The following PAPLN variants were observed in gnomAD, a reference collection of about 807,000 sequenced individuals.
PAPLN encodes papilin, proteoglycan like sulfated glycoprotein.
PAPLN carries 146 observed loss-of-function variants against 159.0 expected under a neutral mutation model. The ratio of observed to expected loss-of-function variants is 0.92; its 90% confidence interval spans 0.80 to 1.05. The LOEUF is 1.05. Ranked by LOEUF, PAPLN falls within the 50% of genes least tolerant of loss-of-function variation. PAPLN has a pLI of 0.00. For synonymous variants in PAPLN, 734 were observed against 702.9 expected, an observed-to-expected ratio of 1.04 and a Z score of -0.70; for missense variants, 1,720 against 1,743.9, an observed-to-expected ratio of 0.99 and a Z score of 0.24.
At position 73,265,154 on chromosome 14, in the gene PAPLN, T is replaced by TG; in HGVS notation, c.3126-214dup. Among the ~76,000 whole-genome samples the TG allele has an allele frequency of 6.6e-6, 1 of 151,342 alleles. No homozygotes were observed. Among genetic ancestry groups the TG allele is most frequent in the East Asian group, 2.0e-4 (1 of 5,120 alleles). On this transcript the variant is annotated intron_variant, in intron 22 of 26. Coordinates refer to ENST00000644200, the MANE Select transcript of PAPLN (RefSeq NM_001365906.3). The surrounding 1 kb of genome is among the most constrained non-coding windows in gnomAD (Gnocchi z 4.1). ...GGTGGGTGTGTCTGGCCAGCTGTGG[T>TG]GGAGGGGCAGGGAGTGGTAGTGGCG...
chr14:73,264,076 C>T, intron 20 of PAPLN, 135 bp from the exon 21 acceptor site: 11 of 1,524,118 alleles, frequency 7.2e-6, no homozygotes, highest in East Asian at 2.4e-5. Flanking sequence ...GAAGCATATT[C>T]CCCCAGCCTC....
chr14:73,272,779 C>A lies in PAPLN; in HGVS notation c.*115C>A. 1 of 1,201,900 alleles carries A rather than the reference C, an allele frequency of 8.3e-7. No homozygotes were observed. The highest frequency in any genetic ancestry group is 1.1e-6 in the Non-Finnish European group (1 of 912,798). 74.5% of individuals were successfully genotyped at this position (1,201,900 alleles called of 1,614,324 possible). On this transcript the variant is annotated 3_prime_UTR_variant, in exon 27 of 27. Coordinates refer to ENST00000644200, the MANE Select transcript of PAPLN (RefSeq NM_001365906.3). ...GCAAAGGGAGTTATCTTCTGGAATA[C>A]ATTAGCTCTTTCAAAAACCCACCCA...
chr14:73,266,642 C>A lies in PAPLN; in HGVS notation c.3391+14C>A. 6.2e-7 allele frequency: 1 copy of A among 1,614,074 alleles called. No individual in the cohort carries two copies. Among genetic ancestry groups the A allele is most frequent in the Non-Finnish European group, 8.5e-7 (1 of 1,180,022 alleles). Reference sequence around the variant, plus strand: ...TCAGAGTTCTGGGTAAAGTGGCAGTCCTGAGTGGCCTTTGAGGTCAGGTGG... The same window carrying A: ...TCAGAGTTCTGGGTAAAGTGGCAGTACTGAGTGGCCTTTGAGGTCAGGTGG... On this transcript the variant is annotated intron_variant, in intron 24 of 26. Transcript: ENST00000644200.
chr14:73,254,575 T>C lies in PAPLN; in HGVS notation c.1365T>C (p.Gly455=). 6.2e-7 allele frequency: 1 copy of C among 1,613,892 alleles called. No homozygotes were observed. The highest frequency in any genetic ancestry group is 8.5e-7 in the Non-Finnish European group (1 of 1,179,894). The change falls in exon 13 of 27, where the codon GGT becomes GGC. Residue 455 remains glycine (G), a synonymous_variant. Transcript: ENST00000644200. ...KRSVTCRGER[G]SLLHTAACSL... is the part of the protein sequence containing the mutation. ...GCGTTACTTGCCGGGGTGAAAGGGGTTCTTTGCTCCATACCGCAGCGTGCT... is the reference window on the plus strand; with the variant it reads ...GCGTTACTTGCCGGGGTGAAAGGGGCTCTTTGCTCCATACCGCAGCGTGCT...
intron 1 of PAPLN, among the ~76,000 whole-genome samples, chr14:73,239,331 T>A (rs545691626): frequency 5.3e-5 from 8 of 152,376 alleles, no homozygotes; most frequent in Non-Finnish European, 8.8e-5. Flanking sequence ...GCATTTGGGT[T>A]TTCAAAGTGT....
chr14:73,248,183 GTGTGTC>G, intron 5 of PAPLN, among the ~76,000 whole-genome samples: 1 of 145,868 alleles, frequency 6.9e-6, no homozygotes, highest in African/African-American at 2.6e-5. Flanking sequence ...GTGTGTGTGT[GTGTGTC>G]TGTGTGTGTT....
intron 10 of PAPLN, among the ~76,000 whole-genome samples, chr14:73,252,418 G>C (rs896507226): frequency 2.0e-5 from 3 of 152,196 alleles, no homozygotes; most frequent in African/African-American, 7.2e-5. Context: ...CCGGAGCTGG[G>C]CCTGGGGTCA....
Position 73,253,980 on chromosome 14 carries a change from A to C in PAPLN, c.1302+19A>C. 1 of 1,599,064 alleles carries C rather than the reference A, an allele frequency of 6.3e-7. No homozygotes were observed. The highest frequency in any genetic ancestry group is 8.5e-7 in the Non-Finnish European group (1 of 1,173,838). On this transcript the variant is annotated intron_variant, in intron 12 of 26. Transcript: ENST00000644200. ...GGGAGAGGTCAGGCCCCTGGCCCGC[A>C]TGGGGCTGGTGCTGGACCTGGGTAG...
At position 73,245,570 on chromosome 14, in the gene PAPLN, G is replaced by C; in HGVS notation, c.171-66G>C. 6.7e-7 allele frequency: 1 copy of C among 1,497,602 alleles called. No homozygotes were observed. The highest frequency in any genetic ancestry group is 9.0e-7 in the Non-Finnish European group (1 of 1,106,160). 92.8% of individuals were successfully genotyped at this position (1,497,602 alleles called of 1,614,324 possible). A position where few individuals can be genotyped will look rare whatever the true frequency, so the allele number is the denominator to read the frequency against. Reference sequence around the variant, plus strand: ...TCCCGCAGAAGTTGGGGCCTGCAGAGAGCCCCAGAACGGGGGCAGGGACGT... The same window carrying C: ...TCCCGCAGAAGTTGGGGCCTGCAGACAGCCCCAGAACGGGGGCAGGGACGT... On this transcript the variant is annotated intron_variant, in intron 3 of 26. Transcript: ENST00000644200. The surrounding 1 kb of genome is among the most constrained non-coding windows in gnomAD (Gnocchi z 4.2).
intron 20 of PAPLN, 82 bp downstream of exon 20, chr14:73,263,864 C>A (rs764190240): frequency 6.9e-7 from 1 of 1,457,112 alleles, no homozygotes; most frequent in Non-Finnish European, 9.3e-7. Context: ...ACAGCTCCCC[C>A]ACCTCCTCTG....
At chr14:73,248,106 T>C (rs113878789) in intron 5 of PAPLN, among the ~76,000 whole-genome samples, 2,823 of 78,296 alleles carry the variant, frequency 0.036, 172 homozygotes, top group East Asian at 0.21. Flanking sequence ...TGTGTGTGTG[T>C]GCGCGTGTGT....
rs763960366 is a variant in PAPLN at position 73,266,508 on chromosome 14, C to G, written c.3271C>G (p.Leu1091Val). 6.2e-7 allele frequency: 1 copy of G among 1,613,994 alleles called. No individual in the cohort carries two copies. Among genetic ancestry groups the G allele is most frequent in the Admixed American group, 1.7e-5 (1 of 60,032 alleles). ...GCTGTACTTGGTCCCCAGACACCAG[C>G]TGCAGCCTGATGGCTCCCTGGTCAT... ...GQPVSSPRHQ[L>V]QPDGSLVISR... The change falls in exon 24 of 27, where the codon CTG becomes GTG. Residue 1091 changes from leucine to valine, a missense_variant. Leu to Val is a conservative substitution (Grantham distance 32, BLOSUM62 1). Transcript: ENST00000644200.
intron 6 of PAPLN, 78 bp downstream of exon 6, chr14:73,250,192 T>C (rs897163219): frequency 1.4e-6 from 2 of 1,440,508 alleles, no homozygotes; most frequent in African/African-American, 1.4e-5. Flanking sequence ...CCATCACCCA[T>C]AGGCCCAGGT....
At position 73,272,534 on chromosome 14, in the gene PAPLN, T is replaced by C. The variant is rs778017271; in HGVS notation, c.3707T>C (p.Val1236Ala). ...CCCAGGGACCCTGGCAGGGACTGCG[T>C]CGACCAGCCAGAGCTGGCCAACTGT... is the stretch of plus-strand genomic sequence containing the variant. ...AQPRDPGRDCVDQPELANCDL... is the reference protein window; with the variant it reads ...AQPRDPGRDCADQPELANCDL... The change falls in exon 27 of 27, where the codon GTC becomes GCC. Residue 1236 changes from valine to alanine, a missense_variant. Val to Ala is a moderately conservative substitution (Grantham distance 64). Transcript: ENST00000644200. The C allele has an allele frequency of 6.3e-7, 1 of 1,585,676 alleles. No homozygotes were observed. Among genetic ancestry groups the C allele is most frequent in the Non-Finnish European group, 8.6e-7 (1 of 1,157,606 alleles).
chr14:73,245,895 G>C lies in PAPLN; in HGVS notation c.232-178G>C. 1.1e-6 allele frequency: 1 copy of C among 874,624 alleles called. No homozygotes were observed. The highest frequency in any genetic ancestry group is 1.7e-6 in the Non-Finnish European group (1 of 586,754). The allele number at this position is 874,624 out of a possible 1,614,324, so 54.2% of individuals were successfully genotyped here. A position where few individuals can be genotyped will look rare whatever the true frequency, so the allele number is the denominator to read the frequency against. On this transcript the variant is annotated intron_variant, in intron 4 of 26. Coordinates refer to ENST00000644200, the MANE Select transcript of PAPLN (RefSeq NM_001365906.3). The surrounding 1 kb of genome is among the most constrained non-coding windows in gnomAD (Gnocchi z 4.2). Reference sequence around the variant, plus strand: ...GACTGGCCTTGCCCTCCACAGCCTAGAGCACCATGGAGGGGCACGCACAGG... The same window carrying C: ...GACTGGCCTTGCCCTCCACAGCCTACAGCACCATGGAGGGGCACGCACAGG...
At chr14:73,264,083 C>A in intron 20 of PAPLN, 128 bp from the exon 21 acceptor site, 1 of 1,543,584 alleles carries the variant, frequency 6.5e-7, no homozygotes. Context: ...ATTCCCCCAG[C>A]CTCACTTGGG....
rs576716350 is a variant in PAPLN, at chr14:73,239,271, A to G, written c.-6-502A>G. ...GGCTGCTTATGGAGCTTCCCTGTGCAGAGAAATGCTGGCTTGGGTTTTAAA... is the reference window on the plus strand; with the variant it reads ...GGCTGCTTATGGAGCTTCCCTGTGCGGAGAAATGCTGGCTTGGGTTTTAAA... On this transcript the variant is annotated intron_variant, in intron 1 of 26. Transcript: ENST00000644200. Among the ~76,000 whole-genome samples, 31 of 152,390 alleles carry G rather than the reference A, an allele frequency of 2.0e-4. 1 individual carries two copies. The highest frequency in any genetic ancestry group is 7.5e-4 in the African/African-American group (31 of 41,596).
rs750526591 is a variant in PAPLN at position 73,254,902 on chromosome 14, C to T, written c.1511C>T (p.Thr504Ile). The T allele has an allele frequency of 6.2e-7, 1 of 1,612,696 alleles. No homozygotes were observed. The highest frequency in any genetic ancestry group is 1.7e-5 in the Admixed American group (1 of 60,006). The change falls in exon 14 of 27, where the codon ACT (threonine) becomes ATT (isoleucine). Residue 504 changes from threonine to isoleucine, a missense_variant. Transcript: ENST00000644200. ...TGCTCCAAGAGCTGCAGCTCGGGCA[C>T]TCGGAGGCGACAGGTCATCTGTGCC... ...GLCSKSCSSG[T>I]RRRQVICAIG...
chr14:73,244,710 A>G lies in PAPLN; in HGVS notation c.121A>G (p.Thr41Ala), dbSNP rs765479795. 5 of 1,598,478 alleles carry G rather than the reference A, an allele frequency of 3.1e-6. No individual in the cohort carries two copies. The South Asian group carries it at 5.7e-5, about 18-fold the overall frequency. Reference protein sequence around the residue: ...PWSQWSPCSRTCGGGVSFRER... With the variant: ...PWSQWSPCSRACGGGVSFRER... Reference sequence around the variant, plus strand: ...GAGCCAGTGGAGCCCCTGCAGCCGGACCTGTGGAGGGGGTGTCAGCTTCCG... The same window carrying G: ...GAGCCAGTGGAGCCCCTGCAGCCGGGCCTGTGGAGGGGGTGTCAGCTTCCG... The change falls in exon 3 of 27, where the codon ACC becomes GCC. Residue 41 changes from threonine (T) to alanine (A), a missense_variant. Transcript: ENST00000644200.
Sources: gnomAD v4.1 joint callset for allele counts (sites outside exome capture counted in the v4.1 genomes callset) on GRCh38, gnomAD v4.1.1 for gene constraint, Gnocchi (gnomAD v3.1) non-coding constraint, MANE v1.5 for transcripts, NCBI Gene and HGNC (gene_info 2026-07-23, HGNC 2026-07-21) for gene names.